The following AVEN variants were observed in gnomAD, a reference collection of about 807,000 sequenced individuals.
AVEN encodes the protein cell death regulator Aven.
Under a neutral mutation model 38.1 loss-of-function variants are expected in AVEN, and 41 were observed. The ratio of observed to expected loss-of-function variants is 1.08; its 90% confidence interval spans 0.84 to 1.40. AVEN has a LOEUF of 1.40. Ranked by LOEUF, AVEN falls within the 40% of genes most tolerant of loss-of-function variation. AVEN has a pLI of 0.00. For synonymous variants in AVEN, 206 were observed against 171.8 expected, an observed-to-expected ratio of 1.20 and a Z score of -1.56; for missense variants, 605 against 438.8, an observed-to-expected ratio of 1.38 and a Z score of -3.38.
chr15:34,063,717 G>T lies in AVEN; in HGVS notation n.1127-285C>A, dbSNP rs1195882263. 56 of 1,614,226 alleles carry T rather than the reference G, an allele frequency of 3.5e-5. No individual in the cohort carries two copies. The highest frequency in any genetic ancestry group is 4.7e-5 in the Non-Finnish European group (55 of 1,180,052). Reference sequence around the variant, plus strand: ...CAAGAGTCAGGGTAAGGAAAGCCCAGGGGAAGAATTCAGTGCTGAAGAGAC... The same window carrying T: ...CAAGAGTCAGGGTAAGGAAAGCCCATGGGAAGAATTCAGTGCTGAAGAGAC... On this transcript the variant is annotated intron_variant and non_coding_transcript_variant, in intron 4 of 11. Coordinates refer to the AVEN transcript ENST00000675287. This position sits in a 1 kb window ranked among gnomAD's most constrained non-coding sequence, Gnocchi z 4.1.
At chr15:33,937,633 C>A (rs1304784350) in intron 2 of AVEN, among the ~76,000 whole-genome samples, 1 of 151,886 alleles carries the variant, frequency 6.6e-6, no homozygotes, top group African/African-American at 2.4e-5. Flanking sequence ...AGACATGGGG[C>A]CTTTGGGAGG....
chr15:33,857,946 C>T, downstream of AVEN: 2 of 1,610,440 alleles, frequency 1.2e-6, no homozygotes, highest in Non-Finnish European at 1.7e-6. Flanking sequence ...GGCCAGCCCA[C>T]CCACTGCGGG....
At chr15:33,902,512 T>C (rs1218503186) in intron 2 of AVEN, among the ~76,000 whole-genome samples, 1 of 152,138 alleles carries the variant, frequency 6.6e-6, no homozygotes, top group Non-Finnish European at 1.5e-5. Flanking sequence ...ACTATTCCAC[T>C]AAGATCCAGT....
chr15:34,036,527 A>G (rs1899135816), intron 1 of AVEN, among the ~76,000 whole-genome samples: 1 of 152,172 alleles, frequency 6.6e-6, no homozygotes, highest in African/African-American at 2.4e-5. Context: ...AAGTCAATCA[A>G]TCTTGTCTCA....
chr15:33,896,480 T>C (rs1892237518), intron 2 of AVEN, among the ~76,000 whole-genome samples: 1 of 152,204 alleles, frequency 6.6e-6, no homozygotes, highest in African/African-American at 2.4e-5. Context: ...TAATTATCTC[T>C]CCTGGTTATA....
intron 1 of AVEN, among the ~76,000 whole-genome samples, chr15:34,008,559 G>A (rs1316846763): frequency 2.7e-5 from 4 of 146,730 alleles, no homozygotes; most frequent in Non-Finnish European, 4.4e-5. Context: ...CACAATCTCG[G>A]CTCGCTGCAA....
At chr15:33,889,326 C>G (rs1265328786) in intron 2 of AVEN, among the ~76,000 whole-genome samples, 2 of 152,132 alleles carry the variant, frequency 1.3e-5, no homozygotes, top group Non-Finnish European at 2.9e-5. Context: ...AAACCTTTTC[C>G]CACCAATGCC....
chr15:34,008,969 C>G (rs961641688), intron 1 of AVEN, among the ~76,000 whole-genome samples: 2 of 151,456 alleles, frequency 1.3e-5, no homozygotes, highest in Admixed American at 6.6e-5. Flanking sequence ...CACACACACA[C>G]ACACACAGAC....
At chr15:34,019,599 AT>A (rs778649754) in intron 1 of AVEN, among the ~76,000 whole-genome samples, 1 of 152,194 alleles carries the variant, frequency 6.6e-6, no homozygotes, top group Non-Finnish European at 1.5e-5. Context: ...AAAGCACCCC[AT>A]ACAGGTTTAC....
downstream of AVEN, among the ~76,000 whole-genome samples, chr15:33,863,834 T>C (rs1889432451): frequency 6.6e-6 from 1 of 152,200 alleles, no homozygotes; most frequent in African/African-American, 2.4e-5. Flanking sequence ...TTTTATTGTT[T>C]TATTAGAATT....
At chr15:34,049,205 A>G (rs373803295) in intron 5 of AVEN, among the ~76,000 whole-genome samples, 10 of 152,344 alleles carry the variant, frequency 6.6e-5, no homozygotes, top group African/African-American at 2.4e-4. Flanking sequence ...TGAAGCTGAG[A>G]TGGCTGAATT....
chr15:33,854,381 T>C (rs772562284), downstream of AVEN: 4 of 1,560,650 alleles, frequency 2.6e-6, no homozygotes, highest in African/African-American at 4.1e-5. Flanking sequence ...TCACTTGTTC[T>C]TCTCTAGGCT....
At chr15:33,869,118 G>C (rs1890827277) in intron 4 of AVEN, among the ~76,000 whole-genome samples, 1 of 152,126 alleles carries the variant, frequency 6.6e-6, no homozygotes, top group Non-Finnish European at 1.5e-5. Flanking sequence ...TAAATATCCA[G>C]CAGAGTCAGT....
At chr15:33,888,968 G>A (rs945939608) in intron 2 of AVEN, among the ~76,000 whole-genome samples, 29 of 152,016 alleles carry the variant, frequency 1.9e-4, no homozygotes, top group African/African-American at 6.8e-4. Context: ...CACCTGCCTC[G>A]GCCTCCCAAA....
chr15:33,861,410 C>G (rs1027225518), downstream of AVEN, among the ~76,000 whole-genome samples: 1 of 152,094 alleles, frequency 6.6e-6, no homozygotes, highest in African/African-American at 2.4e-5. Context: ...TGATTGGATT[C>G]CATCCGGGAC....
chr15:34,012,916 C>G (rs1897695528), intron 1 of AVEN, among the ~76,000 whole-genome samples: 1 of 152,150 alleles, frequency 6.6e-6, no homozygotes, highest in African/African-American at 2.4e-5. Flanking sequence ...CCTTTATAAG[C>G]ACAAATTTCC....
chr15:34,015,652 C>G (rs2140685323), intron 1 of AVEN, among the ~76,000 whole-genome samples: 1 of 152,130 alleles, frequency 6.6e-6, no homozygotes, highest in Non-Finnish European at 1.5e-5. Context: ...CAGTCTTGCT[C>G]AGAAACAGCA....
downstream of AVEN, chr15:33,864,112 C>G (rs766605803): frequency 9.5e-6 from 15 of 1,583,582 alleles, no homozygotes; most frequent in Non-Finnish European, 1.3e-5. Flanking sequence ...ACCAGAGTAT[C>G]TAATACTATC....
At chr15:33,854,412 A>C (rs2079429325), downstream of AVEN, 1 of 1,575,482 alleles carries the variant, frequency 6.3e-7, no homozygotes, top group African/African-American at 1.4e-5. Flanking sequence ...GACATGAAGT[A>C]CCATATCTGG....
Sources: allele counts gnomAD v4.1 joint callset (sites outside exome capture counted in the v4.1 genomes callset), GRCh38; gene constraint gnomAD v4.1.1; non-coding constraint Gnocchi (gnomAD v3.1); transcripts MANE v1.5; gene names NCBI Gene and HGNC (gene_info 2026-07-23, HGNC 2026-07-21).